The following NRXN1 variants were observed in gnomAD, a reference collection of about 807,000 sequenced individuals.
NRXN1 encodes neurexin 1.
Under a neutral mutation model 150.9 loss-of-function variants are expected in NRXN1, and 39 were observed. The ratio of observed to expected loss-of-function variants is 0.26; its 90% CI spans 0.20 to 0.34. The LOEUF (loss-of-function observed/expected upper bound fraction) is 0.34, where lower values mean the gene tolerates loss of function less well. Among genes scored for constraint, NRXN1 ranks in the 10% least tolerant of loss-of-function variants. The pLI is 1.00. For missense variants in NRXN1, 1,815 were observed against 1,949.9 expected (o/e 0.93, Z 1.30); for synonymous variants, 924 against 757.0 (o/e 1.22, Z -3.62).
intron 17 of NRXN1, among the ~76,000 whole-genome samples, chr2:50,453,634 T>G (rs2087223453): frequency 6.6e-6 from 1 of 152,150 alleles, no homozygotes; most frequent in Non-Finnish European, 1.5e-5. Flanking sequence ...AATGCTATCT[T>G]TTGCATAATT....
At chr2:49,943,871 AT>A in intron 21 of NRXN1, 80 bp from the exon 22 acceptor site, 1 of 1,058,076 alleles carries the variant, frequency 9.5e-7, no homozygotes. Flanking sequence ...GACAAGTGAA[AT>A]ACAATTTGTT....
intron 18 of NRXN1, among the ~76,000 whole-genome samples, chr2:50,157,885 G>A (rs924472415): frequency 4.0e-5 from 6 of 151,834 alleles, no homozygotes; most frequent in Non-Finnish European, 7.4e-5. Flanking sequence ...GAGGTATTGA[G>A]GGGCCATTTC....
At chr2:51,026,699 C>T (rs950171027) in intron 2 of NRXN1, among the ~76,000 whole-genome samples, 6 of 152,184 alleles carry the variant, frequency 3.9e-5, no homozygotes, top group Non-Finnish European at 8.8e-5. Context: ...CTTTATTTCT[C>T]TTTATAAGGC....
chr2:50,646,708 CTTTTTTT>C (rs552231598), intron 5 of NRXN1, among the ~76,000 whole-genome samples: 39 of 107,438 alleles, frequency 3.6e-4, no homozygotes, highest in African/African-American at 1.3e-3. Flanking sequence ...TTCATGTTGT[CTTTTTTT>C]TTTTTTTTTT....
At chr2:50,504,201 A>G (rs2092107622) in intron 13 of NRXN1, among the ~76,000 whole-genome samples, 1 of 151,398 alleles carries the variant, frequency 6.6e-6, no homozygotes, top group Non-Finnish European at 1.5e-5. Flanking sequence ...GAGGGGAAAA[A>G]TGCTTATTGC....
At chr2:50,878,664 G>C (rs1217234094) in intron 5 of NRXN1, among the ~76,000 whole-genome samples, 1 of 151,934 alleles carries the variant, frequency 6.6e-6, no homozygotes, top group Non-Finnish European at 1.5e-5. Flanking sequence ...TCATTCCTTT[G>C]TATGTTTCCC....
chr2:50,188,042 C>T (rs994073038), intron 18 of NRXN1, among the ~76,000 whole-genome samples: 33 of 152,078 alleles, frequency 2.2e-4, no homozygotes, highest in African/African-American at 8.0e-4. Context: ...ATTTGACTTC[C>T]TCTCTTCCTA....
chr2:50,420,963 TGTGTG>T (rs2083941907), intron 17 of NRXN1, among the ~76,000 whole-genome samples: 1 of 1,632 alleles, frequency 6.1e-4, no homozygotes, highest in Non-Finnish European at 9.6e-4. Context: ...AAAATAGACC[TGTGTG>T]TGTGTGTGTG....
At chr2:50,031,018 G>T (rs1036038924) in intron 21 of NRXN1, among the ~76,000 whole-genome samples, 1 of 151,888 alleles carries the variant, frequency 6.6e-6, no homozygotes, top group East Asian at 1.9e-4. Context: ...AGGGTTCCTG[G>T]CTCATAATTT....
At chr2:50,654,224 T>C (rs543264991) in intron 5 of NRXN1, among the ~76,000 whole-genome samples, 3 of 80,388 alleles carry the variant, frequency 3.7e-5, no homozygotes, top group Admixed American at 3.8e-4. Flanking sequence ...TTCCCCTTCC[T>C]GTGTCCATGT....
chr2:50,023,270 A>T (rs982954966), intron 21 of NRXN1: 1 of 152,152 alleles, frequency 6.6e-6, no homozygotes, highest in Non-Finnish European at 1.5e-5. Flanking sequence ...TTTGATTAAG[A>T]ATTATTATAT....
chr2:50,248,987 CTTT>C (rs111366889), intron 17 of NRXN1, among the ~76,000 whole-genome samples: 7 of 134,410 alleles, frequency 5.2e-5, no homozygotes, highest in South Asian at 2.4e-4. Context: ...TCTTTACAAA[CTTT>C]TTTTTTTTTT....
At chr2:50,250,435 ATT>A (rs61220479) in intron 17 of NRXN1, among the ~76,000 whole-genome samples, 59,667 of 149,702 alleles carry the variant, frequency 0.4, 11,880 homozygotes, top group Middle Eastern at 0.45. Flanking sequence ...ACTTTTTAAT[ATT>A]TTTTTTTTTT....
chr2:50,450,564 G>C (rs923244358), intron 17 of NRXN1, among the ~76,000 whole-genome samples: 1 of 152,104 alleles, frequency 6.6e-6, no homozygotes, highest in Non-Finnish European at 1.5e-5. Flanking sequence ...TTTGCACATA[G>C]TAACTGCTCA....
intron 5 of NRXN1, among the ~76,000 whole-genome samples, chr2:50,877,818 C>T (rs1678833585): frequency 6.6e-6 from 1 of 151,908 alleles, no homozygotes; most frequent in African/African-American, 2.4e-5. Flanking sequence ...TTAGCAAAGC[C>T]ATGCTCTGTG....
At chr2:50,414,844 T>C (rs973417420) in intron 17 of NRXN1, among the ~76,000 whole-genome samples, 6 of 152,158 alleles carry the variant, frequency 3.9e-5, no homozygotes, top group African/African-American at 1.4e-4. Flanking sequence ...AATATATCAA[T>C]AAACTGTAAA....
intron 18 of NRXN1, among the ~76,000 whole-genome samples, chr2:50,129,506 A>T (rs2152745531): frequency 6.6e-6 from 1 of 152,332 alleles, no homozygotes; most frequent in African/African-American, 2.4e-5. Flanking sequence ...ATTATCAGAT[A>T]TCCAAAAAGG....
chr2:50,216,268 T>G (rs2063392267), intron 18 of NRXN1, among the ~76,000 whole-genome samples: 1 of 152,000 alleles, frequency 6.6e-6, no homozygotes, highest in Non-Finnish European at 1.5e-5. Flanking sequence ...TCAAATGAGT[T>G]AATTATCTCA....
chr2:50,186,020 C>A (rs563051908), intron 18 of NRXN1, among the ~76,000 whole-genome samples: 1 of 152,080 alleles, frequency 6.6e-6, no homozygotes, highest in East Asian at 1.9e-4. Flanking sequence ...CAGTTAAATA[C>A]TGATTTATAA....
Sources: gnomAD v4.1 joint callset for allele counts (sites outside exome capture counted in the v4.1 genomes callset) on GRCh38, gnomAD v4.1.1 for gene constraint, MANE v1.5 for transcripts, NCBI Gene and HGNC (gene_info 2026-07-23, HGNC 2026-07-21) for gene names.